TMC7: variants seen among roughly 807,000 people sequenced by gnomAD.
TMC7 encodes the protein transmembrane channel-like protein 7.
TMC7 carries 54 observed loss-of-function variants against 82.9 expected under a neutral mutation model. The observed-to-expected ratio is 0.65, with a 90% confidence interval of 0.52 to 0.82. The LOEUF (loss-of-function observed/expected upper bound fraction) is 0.82, where lower values mean the gene tolerates loss of function less well. Among genes scored for constraint, TMC7 ranks in the 40% least tolerant of loss-of-function variants. The pLI, the probability that TMC7 is intolerant of heterozygous loss-of-function variation, is 0.00. For missense variants in TMC7, 820 were observed against 901.2 expected, an observed-to-expected ratio of 0.91 and a Z score of 1.15; for synonymous variants, 350 against 337.9, an observed-to-expected ratio of 1.04 and a Z score of -0.39.
rs569020498 is a variant in TMC7 at position 19,016,632 on chromosome 16, G to A, written c.460+34G>A. ...TCCTCACCTCTCTGCAGGCTCCTCC[G>A]CAGAAGTCTGTGTCTGGGGAGCAAG... On this transcript the variant is annotated intron_variant, in intron 3 of 15. Transcript: ENST00000304381. 13 of 1,602,256 alleles carry A rather than the reference G, an allele frequency of 8.1e-6. No homozygotes were observed. In the South Asian group the frequency reaches 1.1e-4, roughly 14 times the overall value.
At chr16:18,991,931 C>CT (rs2038958711) in intron 1 of TMC7, among the ~76,000 whole-genome samples, 1 of 152,066 alleles carries the variant, frequency 6.6e-6, no homozygotes, top group Non-Finnish European at 1.5e-5. Context: ...TGAACTCATC[C>CT]TTTTTTGTGG....
chr16:19,009,480 G>A (rs535130025), intron 2 of TMC7, 65 bp downstream of exon 2: 28 of 1,525,520 alleles, frequency 1.8e-5, no homozygotes, highest in East Asian at 6.8e-5. Flanking sequence ...TGTTTTGTGC[G>A]TGAAATGCAT....
intron 5 of TMC7, among the ~76,000 whole-genome samples, chr16:19,028,721 T>C (rs1405300593): frequency 6.6e-6 from 1 of 151,812 alleles, no homozygotes; most frequent in East Asian, 1.9e-4. Context: ...AGTGGTGTGA[T>C]CTCGGCTCAC....
At chr16:19,046,176 AC>A (rs1309940523) in intron 11 of TMC7, among the ~76,000 whole-genome samples, 1 of 152,092 alleles carries the variant, frequency 6.6e-6, no homozygotes, top group Non-Finnish European at 1.5e-5. Flanking sequence ...AAAGGTGCAG[AC>A]CTTCCAGGCT....
intron 3 of TMC7, among the ~76,000 whole-genome samples, chr16:19,017,931 A>C (rs1272063559): frequency 6.6e-6 from 1 of 152,028 alleles, no homozygotes; most frequent in Non-Finnish European, 1.5e-5. Flanking sequence ...CGGCCTCCCA[A>C]AGTGCTGGGA....
At chr16:19,009,078 C>T (rs2039290571) in intron 1 of TMC7, 94 bp from the exon 2 acceptor site, 1 of 1,403,882 alleles carries the variant, frequency 7.1e-7, no homozygotes, top group South Asian at 1.3e-5. Flanking sequence ...TAGTAACTAT[C>T]TGCAAGGTTC....
At chr16:18,995,299 A>C (rs947544915) in intron 1 of TMC7, among the ~76,000 whole-genome samples, 1 of 152,146 alleles carries the variant, frequency 6.6e-6, no homozygotes, top group Non-Finnish European at 1.5e-5. Context: ...GTATTGATTA[A>C]GAAGGGGACA....
At chr16:18,993,318 A>G (rs577695983) in intron 1 of TMC7, among the ~76,000 whole-genome samples, 44 of 152,308 alleles carry the variant, frequency 2.9e-4, no homozygotes, top group Admixed American at 1.4e-3. Context: ...ATGGAAAGGA[A>G]ATGAGAAGTT....
At chr16:19,032,651 C>T (rs1179070440) in intron 6 of TMC7, among the ~76,000 whole-genome samples, 2 of 151,480 alleles carry the variant, frequency 1.3e-5, no homozygotes, top group East Asian at 1.9e-4. Flanking sequence ...TTTTTCAAGA[C>T]GAGTCTTGCT....
Position 19,024,800 on chromosome 16 carries a change from A to G in TMC7, c.711+1605A>G, listed in dbSNP as rs190023715. ...GGTGGGTGGGTCACAAGGTCAGAAGATCGAGACCATCCTGGCTAACACGGT... is the reference window on the plus strand; with the variant it reads ...GGTGGGTGGGTCACAAGGTCAGAAGGTCGAGACCATCCTGGCTAACACGGT... On this transcript the variant is annotated intron_variant, in intron 5 of 15. Transcript: ENST00000304381. Among the ~76,000 whole-genome samples the G allele has an allele frequency of 3.5e-3, 529 of 152,164 alleles. 1 individual carries two copies. The highest frequency in any genetic ancestry group is 5.2e-3 in the Non-Finnish European group (353 of 67,990).
At chr16:19,060,435 G>C (rs1961952788) in intron 15 of TMC7, among the ~76,000 whole-genome samples, 1 of 151,960 alleles carries the variant, frequency 6.6e-6, no homozygotes, top group Admixed American at 6.6e-5. Flanking sequence ...GAACTCCTGG[G>C]CTCAAGTGAT....
chr16:19,035,889 G>T (rs568819080), intron 7 of TMC7, 66 bp downstream of exon 7: 1 of 1,508,490 alleles, frequency 6.6e-7, no homozygotes, highest in African/African-American at 1.4e-5. Flanking sequence ...TGGAGCCTGA[G>T]TTTTCAGCTT....
chr16:18,984,201 C>A lies in TMC7; in HGVS notation c.67+71C>A, dbSNP rs1316459381. On this transcript the variant is annotated intron_variant, in intron 1 of 15. Transcript: ENST00000304381. Reference sequence around the variant, plus strand: ...GAGGGCGCACGGAGGGAGCCGGGTGCTGGAGGCTCGGCCTGGCCGCTGTTC... The same window carrying A: ...GAGGGCGCACGGAGGGAGCCGGGTGATGGAGGCTCGGCCTGGCCGCTGTTC... 2.9e-5 allele frequency: 41 copies of A among 1,410,336 alleles called. No individual in the cohort carries two copies. In the East Asian group the frequency reaches 1.2e-3, roughly 40 times the overall value. The allele number at this position is 1,410,336 out of a possible 1,614,324, so 87.4% of individuals were successfully genotyped here.
intron 1 of TMC7, among the ~76,000 whole-genome samples, chr16:18,985,638 C>T (rs2038832131): frequency 6.6e-6 from 1 of 151,382 alleles, no homozygotes; most frequent in South Asian, 2.1e-4. Context: ...GGCATCTTTT[C>T]AGGAGGACTA....
chr16:19,011,264 C>T (rs562161050), intron 2 of TMC7, among the ~76,000 whole-genome samples: 2 of 152,218 alleles, frequency 1.3e-5, no homozygotes, highest in East Asian at 3.9e-4. Flanking sequence ...CCATCTCCCC[C>T]ATTCTTGAAG....
intron 1 of TMC7, 66 bp from the exon 2 acceptor site, chr16:19,009,106 T>G: frequency 6.4e-7 from 1 of 1,559,988 alleles, no homozygotes; most frequent in Non-Finnish European, 8.7e-7. Flanking sequence ...ATGTCCAAGA[T>G]CCAAGTTTCC....
chr16:19,027,568 C>T (rs1288886465), intron 5 of TMC7, among the ~76,000 whole-genome samples: 1 of 152,078 alleles, frequency 6.6e-6, no homozygotes, highest in Non-Finnish European at 1.5e-5. Context: ...CAGGCCCAGC[C>T]GACCTTTCCC....
intron 1 of TMC7, among the ~76,000 whole-genome samples, chr16:19,004,136 AGT>A (rs943283461): frequency 9.2e-5 from 14 of 151,788 alleles, no homozygotes; most frequent in African/African-American, 3.1e-4. Context: ...TGCTGGGAAA[AGT>A]GTGTGTTATA....
intron 14 of TMC7, 122 bp from the exon 15 acceptor site, chr16:19,059,294 C>G (rs1961901141): frequency 7.4e-6 from 11 of 1,496,006 alleles, no homozygotes; most frequent in Non-Finnish European, 9.8e-6. Context: ...AATGAGCCAT[C>G]ATGCCCAGCC....
Sources: allele counts gnomAD v4.1 joint callset (sites outside exome capture counted in the v4.1 genomes callset), GRCh38; gene constraint gnomAD v4.1.1; transcripts MANE v1.5; gene names NCBI Gene and HGNC (gene_info 2026-07-23, HGNC 2026-07-21).